PTGER3: variants seen among roughly 807,000 people sequenced by gnomAD.
PTGER3 encodes prostaglandin E receptor 3, also known as prostaglandin E2 receptor EP3 subtype.
PTGER3 carries 22 observed loss-of-function variants against 34.7 expected under a neutral mutation model. That is an observed-to-expected ratio of 0.63 (90% CI 0.45 to 0.91). The LOEUF (loss-of-function observed/expected upper bound fraction) is 0.91, where lower values mean the gene tolerates loss of function less well. PTGER3 is among the 40% of genes least tolerant of loss of function. PTGER3 has a pLI of 0.00. For missense variants in PTGER3, 468 were observed against 519.4 expected (o/e 0.90, Z 0.96); for synonymous variants, 241 against 230.1 (o/e 1.05, Z -0.43).
intron 2 of PTGER3, among the ~76,000 whole-genome samples, chr1:70,982,372 C>T (rs1654466168): frequency 6.6e-6 from 1 of 152,180 alleles, no homozygotes; most frequent in Admixed American, 6.6e-5. Context: ...GGAAGAAATT[C>T]CTGATGTCTG....
intron 2 of PTGER3, among the ~76,000 whole-genome samples, chr1:70,977,901 C>A (rs1434299675): frequency 6.6e-6 from 1 of 152,114 alleles, no homozygotes; most frequent in Admixed American, 6.6e-5. Flanking sequence ...TAATTCCTCT[C>A]CTTTTAGCTC....
At chr1:71,040,750 C>T (rs891753679) in intron 1 of PTGER3, among the ~76,000 whole-genome samples, 2 of 152,068 alleles carry the variant, frequency 1.3e-5, no homozygotes, top group African/African-American at 4.8e-5. Flanking sequence ...AACAGAAAGA[C>T]AATAAACCAA....
intron 3 of PTGER3, among the ~76,000 whole-genome samples, chr1:70,973,599 G>A (rs888768884): frequency 6.6e-6 from 1 of 152,074 alleles, no homozygotes; most frequent in African/African-American, 2.4e-5. Context: ...AATAAAATGA[G>A]CATGCTTTTT....
At chr1:70,865,768 C>T (rs1258165953) in intron 4 of PTGER3, 1 of 1,367,058 alleles carries the variant, frequency 7.3e-7, no homozygotes, top group East Asian at 4.6e-5. Flanking sequence ...AATCCAAGAA[C>T]CAACGGAAGG....
intron 2 of PTGER3, 179 bp downstream of exon 2, chr1:71,012,126 A>G (rs1383146213): frequency 3.3e-6 from 5 of 1,517,654 alleles, no homozygotes; most frequent in East Asian, 2.3e-5. Context: ...ATGCATAAAC[A>G]GTGGCATGCC....
chr1:70,935,954 A>G (rs1243388299), intron 4 of PTGER3, among the ~76,000 whole-genome samples: 2 of 152,186 alleles, frequency 1.3e-5, no homozygotes, highest in Non-Finnish European at 2.9e-5. Context: ...GGGAGTTAAA[A>G]AGTTCAGCAT....
At chr1:70,871,328 G>A (rs1386929893) in intron 4 of PTGER3, among the ~76,000 whole-genome samples, 1 of 152,096 alleles carries the variant, frequency 6.6e-6, no homozygotes, top group African/African-American at 2.4e-5. Context: ...CCATCATGAG[G>A]ACACCACCAA....
At chr1:70,986,298 T>G (rs1213913790) in intron 2 of PTGER3, among the ~76,000 whole-genome samples, 1 of 152,194 alleles carries the variant, frequency 6.6e-6, no homozygotes, top group Non-Finnish European at 1.5e-5. Context: ...TCCTTTACTT[T>G]CTTAATAAAC....
chr1:71,033,475 C>T (rs2300178), intron 1 of PTGER3, among the ~76,000 whole-genome samples: 55,557 of 151,964 alleles, frequency 0.37, 11,248 homozygotes, highest in South Asian at 0.47. Context: ...TTATCACAAT[C>T]ACTAGACTTC....
downstream of PTGER3, among the ~76,000 whole-genome samples, chr1:70,966,580 C>T (rs1248600640): frequency 6.6e-6 from 1 of 152,042 alleles, no homozygotes; most frequent in Non-Finnish European, 1.5e-5. Flanking sequence ...ATTGACCCAT[C>T]CTCTAAGTTC....
chr1:70,917,430 T>A (rs1647202753), intron 4 of PTGER3, among the ~76,000 whole-genome samples: 1 of 143,532 alleles, frequency 7.0e-6, no homozygotes, highest in African/African-American at 2.8e-5. Flanking sequence ...TGTGTGTGTG[T>A]GTGTGTGTGT....
chr1:70,989,256 T>C (rs1401475473), intron 2 of PTGER3, among the ~76,000 whole-genome samples: 2 of 152,186 alleles, frequency 1.3e-5, no homozygotes, highest in Admixed American at 1.3e-4. Flanking sequence ...GTTATAAGGA[T>C]AATGATAACA....
chr1:70,867,584 G>A (rs922935921), intron 4 of PTGER3, among the ~76,000 whole-genome samples: 1 of 152,150 alleles, frequency 6.6e-6, no homozygotes, highest in Non-Finnish European at 1.5e-5. Flanking sequence ...AATTAGCCAG[G>A]TGTGGTGGCA....
At chr1:70,964,551 G>T (rs190971873) in intron 2 of PTGER3, among the ~76,000 whole-genome samples, 30 of 152,252 alleles carry the variant, frequency 2.0e-4, no homozygotes, top group Admixed American at 2.0e-3. Context: ...ATCATCTCTT[G>T]TGAGATGTAT....
At chr1:70,958,699 A>G (rs1443838436) in intron 2 of PTGER3, among the ~76,000 whole-genome samples, 2 of 152,016 alleles carry the variant, frequency 1.3e-5, no homozygotes, top group Non-Finnish European at 2.9e-5. Flanking sequence ...TCATTTGTCT[A>G]TTTTAGCTTT....
intron 4 of PTGER3, among the ~76,000 whole-genome samples, chr1:70,931,072 A>G (rs1334526946): frequency 6.6e-6 from 1 of 152,226 alleles, no homozygotes; most frequent in Admixed American, 6.5e-5. Context: ...GGGTAAATAC[A>G]GCCATTCCAA....
chr1:70,973,454 A>G (rs1653354581), intron 3 of PTGER3, among the ~76,000 whole-genome samples: 1 of 152,144 alleles, frequency 6.6e-6, no homozygotes. Flanking sequence ...TCTGAAAAAC[A>G]GGAAAAATTC....
rs917910509 is a variant in PTGER3, at chr1:71,047,685, G to A, written c.-108C>T. 3.0e-6 allele frequency: 4 copies of A among 1,318,682 alleles called. No individual in the cohort carries two copies. The highest frequency in any genetic ancestry group is 1.5e-5 in the African/African-American group (1 of 65,546). The allele number at this position is 1,318,682 out of a possible 1,614,324, so 81.7% of individuals were successfully genotyped here. A position where few individuals can be genotyped will look rare whatever the true frequency, so the allele number is the denominator to read the frequency against. Reference sequence around the variant, plus strand: ...CGGCGTTTACCGCGGCTGGGGCTGGGCTGCCCCCCATGGTGCGGGGCGCAG... The same window carrying A: ...CGGCGTTTACCGCGGCTGGGGCTGGACTGCCCCCCATGGTGCGGGGCGCAG... On this transcript the variant is annotated 5_prime_UTR_variant, in exon 1 of 4. Coordinates refer to ENST00000306666, the MANE Select transcript of PTGER3 (RefSeq NM_198719.2).
intron 4 of PTGER3, among the ~76,000 whole-genome samples, chr1:70,919,463 A>G (rs975588859): frequency 2.6e-5 from 4 of 152,168 alleles, no homozygotes; most frequent in Non-Finnish European, 2.9e-5. Flanking sequence ...TACAGAATAG[A>G]AAGCATATCT....
Sources: allele counts gnomAD v4.1 joint callset (sites outside exome capture counted in the v4.1 genomes callset), GRCh38; gene constraint gnomAD v4.1.1; transcripts MANE v1.5; gene names NCBI Gene and HGNC (gene_info 2026-07-23, HGNC 2026-07-21).